TCAIM: variants seen among roughly 807,000 people sequenced by gnomAD.
The protein encoded by TCAIM is T cell activation inhibitor, mitochondrial, also known as T-cell activation inhibitor, mitochondrial.
In TCAIM, 36 loss-of-function variants were observed where a neutral mutation model predicts 58.6. The observed-to-expected ratio is 0.61, with a 90% confidence interval of 0.47 to 0.81. TCAIM has a LOEUF of 0.81. Ranked by LOEUF, TCAIM falls within the 30% of genes least tolerant of loss-of-function variation. The probability of loss-of-function intolerance (pLI) is 0.00; values close to 1 mark genes in which losing one functional copy is unlikely to be tolerated. For synonymous variants in TCAIM, 172 were observed against 193.6 expected (o/e 0.89, Z 0.93); for missense variants, 466 against 579.6 (o/e 0.80, Z 2.01).
At chr3:44,393,478 CTTCT>C (rs1701873297) in intron 6 of TCAIM, among the ~76,000 whole-genome samples, 1 of 152,070 alleles carries the variant, frequency 6.6e-6, no homozygotes, top group Non-Finnish European at 1.5e-5. Context: ...ATATATGTTA[CTTCT>C]TTCTTCTATA....
intron 8 of TCAIM, among the ~76,000 whole-genome samples, chr3:44,398,279 A>T (rs7433407): frequency 0.49 from 73,996 of 151,818 alleles, 19,273 homozygotes; most frequent in East Asian, 0.81. Context: ...AAAAAAAAAT[A>T]AAAAGCCGGG....
At position 44,354,805 on chromosome 3, in the gene TCAIM, T is replaced by A. The variant is rs1701160120; in HGVS notation, c.23T>A (p.Met8Lys). 5 of 1,611,256 alleles carry A rather than the reference T, an allele frequency of 3.1e-6. No individual in the cohort carries two copies. The South Asian group carries it at 5.5e-5, about 18-fold the overall frequency. Residue 8 changes from methionine to lysine, a missense_variant, in exon 2 of 11, where the codon ATG (methionine) becomes AAG (lysine). Transcript: ENST00000342649. ...GAAATGTTTTGCCACCTGAGACCTA[T>A]GAGGAGGTAAGCATCATGGTCCAAT... Reference protein sequence around the residue: MFCHLRPMRRLCLEKIFP... With the variant: MFCHLRPKRRLCLEKIFP...
chr3:44,397,788 T>C (rs1575278488), intron 8 of TCAIM, among the ~76,000 whole-genome samples: 1 of 152,332 alleles, frequency 6.6e-6, no homozygotes, highest in South Asian at 2.1e-4. Flanking sequence ...TGCATTTCTC[T>C]AATAATAAAT....
chr3:44,407,506 T>C lies in TCAIM; in HGVS notation c.1315T>C (p.Tyr439His), dbSNP rs891499945. 9 of 1,613,458 alleles carry C rather than the reference T, an allele frequency of 5.6e-6. No homozygotes were observed. Among genetic ancestry groups the C allele is most frequent in the African/African-American group, 2.7e-5 (2 of 74,930 alleles). ...AAAGAAATTTTCTTTGGAGAAGTTA[T>C]ATAAAGAGCCCAGCATTTCTAGTAT... Reference protein sequence around the residue: ...STKKFSLEKLYKEPSISSIQM... With the variant: ...STKKFSLEKLHKEPSISSIQM... The change falls in exon 11 of 11, where the codon TAT becomes CAT. Residue 439 changes from tyrosine (Y) to histidine (H), a missense_variant. Transcript: ENST00000342649.
chr3:44,376,875 T>G (rs1053021551), intron 5 of TCAIM, among the ~76,000 whole-genome samples: 1 of 152,144 alleles, frequency 6.6e-6, no homozygotes, highest in Non-Finnish European at 1.5e-5. Context: ...GATCACGAGG[T>G]CAGGAGATTG....
chr3:44,349,931 G>T (rs573498185), intron 1 of TCAIM, among the ~76,000 whole-genome samples: 1 of 151,980 alleles, frequency 6.6e-6, no homozygotes, highest in Non-Finnish European at 1.5e-5. Context: ...CTGAGGACCC[G>T]AGGTCGTAGG....
chr3:44,396,624 G>A, intron 7 of TCAIM, 119 bp from the exon 8 acceptor site: 1 of 1,399,542 alleles, frequency 7.1e-7, no homozygotes, highest in South Asian at 1.3e-5. Flanking sequence ...TAAAGCAGTG[G>A]CATAAAATTA....
chr3:44,407,136 C>A (rs979893883), intron 10 of TCAIM, among the ~76,000 whole-genome samples: 1 of 152,202 alleles, frequency 6.6e-6, no homozygotes, highest in Non-Finnish European at 1.5e-5. Flanking sequence ...CCTTCAGTCA[C>A]TAACAGCTGC....
intron 5 of TCAIM, among the ~76,000 whole-genome samples, chr3:44,387,011 G>A (rs1313607534): frequency 6.6e-6 from 1 of 152,222 alleles, no homozygotes; most frequent in Non-Finnish European, 1.5e-5. Context: ...CAATTGGATG[G>A]TGCTTTTTCC....
intron 1 of TCAIM, among the ~76,000 whole-genome samples, chr3:44,347,505 A>G (rs112393829): frequency 0.12 from 18,600 of 152,152 alleles, 1,236 homozygotes; most frequent in Admixed American, 0.16. Context: ...TGGAAAAAGC[A>G]TGTTTTGAGA....
intron 5 of TCAIM, among the ~76,000 whole-genome samples, chr3:44,374,532 G>T (rs1349060895): frequency 6.6e-6 from 1 of 152,096 alleles, no homozygotes; most frequent in Non-Finnish European, 1.5e-5. Flanking sequence ...AAGGCGGGAG[G>T]ATTGCTTGAG....
intron 5 of TCAIM, among the ~76,000 whole-genome samples, chr3:44,371,224 A>G (rs1701464497): frequency 6.7e-6 from 1 of 150,324 alleles, no homozygotes; most frequent in South Asian, 2.1e-4. Flanking sequence ...TACCCGGTTA[A>G]TTTTTTAATT....
chr3:44,349,488 T>C (rs967996763), intron 1 of TCAIM, among the ~76,000 whole-genome samples: 2 of 151,888 alleles, frequency 1.3e-5, no homozygotes, highest in African/African-American at 4.8e-5. Flanking sequence ...AGGTTGCCCA[T>C]AGTGAAGGAG....
intron 6 of TCAIM, among the ~76,000 whole-genome samples, chr3:44,394,406 A>T (rs1377840193): frequency 3.9e-5 from 6 of 152,190 alleles, no homozygotes; most frequent in African/African-American, 1.4e-4. Context: ...AAATAGTAAG[A>T]TCATTTTTAA....
chr3:44,403,816 C>T (rs1702058792), intron 10 of TCAIM, among the ~76,000 whole-genome samples: 1 of 152,140 alleles, frequency 6.6e-6, no homozygotes. Context: ...ACCTCTTCTC[C>T]TTTCCTTTCC....
chr3:44,393,023 A>G, intron 6 of TCAIM, 46 bp downstream of exon 6: 1 of 1,553,056 alleles, frequency 6.4e-7, no homozygotes, highest in Non-Finnish European at 8.8e-7. Flanking sequence ...AATGAATATG[A>G]ATTACCAACT....
rs531070324 is a variant in TCAIM, at chr3:44,345,120, G to A, written c.-45+6286G>A. On this transcript the variant is annotated intron_variant, in intron 1 of 10. Transcript: ENST00000342649. ...GGGGTGGTATGGAAAGATAATGGGC[G>A]ACGTTTCTCAGGGCTGCTTCGAGCA... is the stretch of plus-strand genomic sequence containing the variant. Among the ~76,000 whole-genome samples, 7 of 152,206 alleles carry A rather than the reference G, an allele frequency of 4.6e-5. No homozygotes were observed. The East Asian group carries it at 7.8e-4, about 17-fold the overall frequency.
At chr3:44,366,718 G>A (rs897059034) in intron 4 of TCAIM, among the ~76,000 whole-genome samples, 6 of 151,426 alleles carry the variant, frequency 4.0e-5, no homozygotes, top group Admixed American at 2.0e-4. Context: ...CGCCCGCCTC[G>A]GCCTCCCAAA....
chr3:44,357,693 G>T (rs1466462835), intron 2 of TCAIM, 48 bp from the exon 3 acceptor site: 1 of 1,605,294 alleles, frequency 6.2e-7, no homozygotes, highest in Non-Finnish European at 8.5e-7. Flanking sequence ...GAGGATTTGT[G>T]TGTGTGTGAG....
Sources: allele counts gnomAD v4.1 joint callset (sites outside exome capture counted in the v4.1 genomes callset), GRCh38; gene constraint gnomAD v4.1.1; transcripts MANE v1.5; gene names NCBI Gene and HGNC (gene_info 2026-07-23, HGNC 2026-07-21).